Variants in NEK10 observed in about 807,000 individuals in gnomAD.
The protein encoded by NEK10 is serine/threonine-protein kinase Nek10.
Under a neutral mutation model 159.8 loss-of-function variants are expected in NEK10, and 122 were observed. The ratio of observed to expected loss-of-function variants is 0.76; its 90% confidence interval spans 0.66 to 0.89. The LOEUF is 0.89. Among genes scored for constraint, NEK10 ranks in the 40% least tolerant of loss-of-function variants. The pLI, the probability that NEK10 is intolerant of heterozygous loss-of-function variation, is 0.00. For synonymous variants in NEK10, 466 were observed against 457.1 expected (o/e 1.02, Z -0.25); for missense variants, 1,342 against 1,323.1 (o/e 1.01, Z -0.22).
At chr3:27,310,919 G>A (rs757375041) in intron 9 of NEK10, 30 bp downstream of exon 9, 11 of 1,413,164 alleles carry the variant, frequency 7.8e-6, no homozygotes, top group South Asian at 1.2e-5. Context: ...ATAGGGAGCT[G>A]AAGCATTAAC....
intron 33 of NEK10, 36 bp from the exon 34 acceptor site, chr3:27,116,163 G>A (rs751398080): frequency 6.3e-7 from 1 of 1,597,066 alleles, no homozygotes; most frequent in African/African-American, 1.3e-5. Flanking sequence ...CTGACATTTG[G>A]GTTCACATTT....
intron 30 of NEK10, among the ~76,000 whole-genome samples, chr3:27,144,966 C>T (rs1408773469): frequency 2.6e-5 from 4 of 152,106 alleles, no homozygotes; most frequent in Non-Finnish European, 4.4e-5. Flanking sequence ...AAGTGATCCA[C>T]CCACCTCGAC....
intron 6 of NEK10, among the ~76,000 whole-genome samples, chr3:27,320,075 G>A (rs1210610468): frequency 1.3e-5 from 2 of 152,214 alleles, no homozygotes; most frequent in South Asian, 2.1e-4. Context: ...ACAACTGCCT[G>A]AGCACGTGGT....
chr3:27,233,140 A>C (rs560157671), intron 23 of NEK10, among the ~76,000 whole-genome samples: 26 of 152,256 alleles, frequency 1.7e-4, no homozygotes, highest in Admixed American at 1.6e-3. Flanking sequence ...CAAACTATAC[A>C]TCCAACAAAG....
chr3:27,304,910 G>A lies in NEK10; in HGVS notation c.865C>T (p.Leu289Phe). ...AEPQVKEQVK[L>F]YEGIPVLLSL... ...AGGAGGACCGGTATCCCCTCATAGA[G>A]CTTCACCTGCTCTTTCACCTGGGGC... Residue 289 changes from leucine (L) to phenylalanine (F), a missense_variant, in exon 12 of 36, where the codon CTC becomes TTC. By Grantham distance (22) the Leu-to-Phe change is conservative. Transcript: ENST00000691995. 1 of 1,613,624 alleles carries A rather than the reference G, an allele frequency of 6.2e-7. No homozygotes were observed. Among genetic ancestry groups the A allele is most frequent in the Non-Finnish European group, 8.5e-7 (1 of 1,179,720 alleles).
At chr3:27,255,579 C>T (rs1956092744) in intron 23 of NEK10, among the ~76,000 whole-genome samples, 1 of 152,052 alleles carries the variant, frequency 6.6e-6, no homozygotes, top group African/African-American at 2.4e-5. Context: ...ATCTGCTTTT[C>T]TACTCTTTAC....
intron 25 of NEK10, among the ~76,000 whole-genome samples, chr3:27,197,390 G>T (rs866833285): frequency 2.0e-5 from 3 of 151,916 alleles, no homozygotes; most frequent in Non-Finnish European, 2.9e-5. Flanking sequence ...TGGCCAGGCT[G>T]GTCTCAAACA....
chr3:27,174,747 G>A lies in NEK10; in HGVS notation c.2592C>T (p.Pro864=), dbSNP rs765455554. Residue 864 remains proline (P), a synonymous_variant, in exon 27 of 36, where the codon CCC becomes CCT. Transcript: ENST00000691995. ...CATAGGAGGCCTGGAAGCCTTCAGG[G>A]GGCAGGTCTGCGCTTTCTGAAAGTT... is the stretch of plus-strand genomic sequence containing the variant. ...KSELSESADL[P]PEGFQASYGK... 1 of 1,613,518 alleles carries A rather than the reference G, an allele frequency of 6.2e-7. No homozygotes were observed. The highest frequency in any genetic ancestry group is 1.7e-5 in the Admixed American group (1 of 59,926).
intron 28 of NEK10, among the ~76,000 whole-genome samples, chr3:27,173,647 C>A (rs988630536): frequency 6.6e-6 from 1 of 152,032 alleles, no homozygotes; most frequent in Non-Finnish European, 1.5e-5. Flanking sequence ...TTTAAATGTT[C>A]TTTTATGAGA....
intron 26 of NEK10, among the ~76,000 whole-genome samples, chr3:27,189,603 T>A (rs1266575915): frequency 6.6e-6 from 1 of 152,148 alleles, no homozygotes; most frequent in Non-Finnish European, 1.5e-5. Context: ...TTTACACCTA[T>A]AATTTTTCTT....
chr3:27,152,682 T>C (rs1345602563), intron 30 of NEK10, among the ~76,000 whole-genome samples: 1 of 151,654 alleles, frequency 6.6e-6, no homozygotes, highest in Admixed American at 6.6e-5. Context: ...TAACATTGAA[T>C]GTAAATGGCC....
Position 27,110,874 on chromosome 3 carries a change from A to G in NEK10, c.*398T>C, listed in dbSNP as rs1402927509. The G allele has an allele frequency of 6.3e-6, 1 of 158,378 alleles. No homozygotes were observed. Among genetic ancestry groups the G allele is most frequent in the Non-Finnish European group, 1.4e-5 (1 of 72,050 alleles). 9.8% of individuals were successfully genotyped at this position (158,378 alleles called of 1,614,324 possible). On this transcript the variant is annotated 3_prime_UTR_variant, in exon 36 of 36. Transcript: ENST00000691995. ...TATGGAAGGCTAGATGTCTTTAAAT[A>G]TACTTTTAGCAATTCTGAGTATCAA...
intron 6 of NEK10, 37 bp from the exon 7 acceptor site, chr3:27,314,375 T>G (rs752362885): frequency 7.5e-7 from 1 of 1,326,842 alleles, no homozygotes; most frequent in Non-Finnish European, 1.1e-6. Context: ...ATGTAAATGA[T>G]GAGGGTGGAG....
chr3:27,245,180 C>T lies in NEK10; in HGVS notation c.2090+11116G>A, dbSNP rs533941668. Among the ~76,000 whole-genome samples, 7 of 152,264 alleles carry T rather than the reference C, an allele frequency of 4.6e-5. No individual in the cohort carries two copies. The South Asian group carries it at 8.3e-4, about 18-fold the overall frequency. ...GGAGATGTGGGGCTAACGTGCCAAC[C>T]GTTAGTGTTTAAAATAGACTATTTC... On this transcript the variant is annotated intron_variant, in intron 23 of 35. Transcript: ENST00000691995.
intron 25 of NEK10, among the ~76,000 whole-genome samples, chr3:27,196,444 G>A (rs1347695401): frequency 2.0e-5 from 3 of 152,132 alleles, no homozygotes; most frequent in Non-Finnish European, 4.4e-5. Context: ...CTGCTACAAA[G>A]TAATTACTAC....
chr3:27,214,808 G>C (rs184997159), intron 23 of NEK10: 3 of 1,027,230 alleles, frequency 2.9e-6, no homozygotes, highest in Non-Finnish European at 4.6e-6. Context: ...CCTGCTCTTT[G>C]ACATATTTTC....
chr3:27,249,522 C>T (rs188559889), intron 23 of NEK10, among the ~76,000 whole-genome samples: 40 of 152,104 alleles, frequency 2.6e-4, no homozygotes, highest in Non-Finnish European at 5.1e-4. Context: ...TATATTTTTT[C>T]TGATATAAGT....
intron 23 of NEK10, among the ~76,000 whole-genome samples, chr3:27,216,946 ATTC>A (rs1384523091): frequency 1.3e-5 from 2 of 152,246 alleles, no homozygotes; most frequent in African/African-American, 4.8e-5. Context: ...TACAAGCTGT[ATTC>A]TGACATAGTA....
At chr3:27,336,127 C>T (rs904070378) in intron 5 of NEK10, among the ~76,000 whole-genome samples, 4 of 151,806 alleles carry the variant, frequency 2.6e-5, no homozygotes, top group Non-Finnish European at 4.4e-5. Context: ...CTAACAAAGA[C>T]GGAAAGACCC....
Sources: allele counts gnomAD v4.1 joint callset (sites outside exome capture counted in the v4.1 genomes callset), GRCh38; gene constraint gnomAD v4.1.1; transcripts MANE v1.5; gene names NCBI Gene and HGNC (gene_info 2026-07-23, HGNC 2026-07-21).